DLGAP2: variants seen among roughly 807,000 people sequenced by gnomAD.
The protein encoded by DLGAP2 is DLG associated protein 2.
DLGAP2 carries 26 observed loss-of-function variants against 100.3 expected under a neutral mutation model. That is an observed-to-expected ratio of 0.26 (90% CI 0.19 to 0.36). DLGAP2 has a LOEUF of 0.36. Ranked by LOEUF, DLGAP2 falls within the 10% of genes least tolerant of loss-of-function variation. DLGAP2 has a pLI of 1.00. For synonymous variants in DLGAP2, 886 were observed against 630.1 expected, an observed-to-expected ratio of 1.41 and a Z score of -6.08; for missense variants, 1,858 against 1,453.2, an observed-to-expected ratio of 1.28 and a Z score of -4.53.
chr8:745,897 G>C (rs1460324439), intron 1 of DLGAP2, among the ~76,000 whole-genome samples: 1 of 152,230 alleles, frequency 6.6e-6, no homozygotes, highest in Non-Finnish European at 1.5e-5. Context: ...ACCGACTCCA[G>C]AAAGAGGAAC....
At chr8:1,031,140 A>T (rs1262562262) in intron 2 of DLGAP2, among the ~76,000 whole-genome samples, 1 of 151,958 alleles carries the variant, frequency 6.6e-6, no homozygotes, top group Non-Finnish European at 1.5e-5. Flanking sequence ...TCCACTTTCC[A>T]ATTTTGTTTT....
chr8:1,119,429 T>C (rs993720789), intron 2 of DLGAP2, among the ~76,000 whole-genome samples: 2 of 152,218 alleles, frequency 1.3e-5, no homozygotes, highest in Non-Finnish European at 2.9e-5. Context: ...TTTTATTCCA[T>C]GACACCAAGA....
chr8:961,839 T>G (rs942119550), intron 2 of DLGAP2, among the ~76,000 whole-genome samples: 2 of 152,170 alleles, frequency 1.3e-5, no homozygotes, highest in Non-Finnish European at 2.9e-5. Flanking sequence ...ATTGAAACTG[T>G]AAAAGTAACT....
chr8:1,424,278 C>A (rs534555985), intron 3 of DLGAP2, among the ~76,000 whole-genome samples: 2 of 152,338 alleles, frequency 1.3e-5, no homozygotes, highest in East Asian at 3.9e-4. Context: ...TAGTCTGCAT[C>A]TAACTCTTCA....
chr8:1,115,521 G>C (rs1444266508), intron 2 of DLGAP2, among the ~76,000 whole-genome samples: 1 of 152,234 alleles, frequency 6.6e-6, no homozygotes, highest in African/African-American at 2.4e-5. Flanking sequence ...AAGATTCTGA[G>C]TTTGTGTATG....
At position 886,450 on chromosome 8, in the gene DLGAP2, T is replaced by G. The variant is rs960946197; in HGVS notation, c.19-21462T>G. On this transcript the variant is annotated intron_variant, in intron 1 of 14. Transcript: ENST00000637795. ...TTTGCTCTTGCCTCTATAGCTCTTA[T>G]AATTGCACTGTTGGGGTGTCTATCT... Among the ~76,000 whole-genome samples the G allele has an allele frequency of 9.8e-5, 15 of 152,316 alleles. No homozygotes were observed. The East Asian group carries it at 2.9e-3, about 29-fold the overall frequency.
At chr8:1,280,022 A>C (rs1006344549) in intron 3 of DLGAP2, among the ~76,000 whole-genome samples, 10 of 152,212 alleles carry the variant, frequency 6.6e-5, no homozygotes, top group Non-Finnish European at 1.5e-4. Flanking sequence ...GACTTTGAGG[A>C]GCTTAGAATT....
In DLGAP2 at chr8:1,678,466, C is replaced by G. The variant is rs375922695; in HGVS notation, c.2541C>G (p.Pro847=). Residue 847 remains proline, a synonymous_variant, in exon 12 of 15, where the codon CCC becomes CCG. Coordinates refer to ENST00000637795, the MANE Select transcript of DLGAP2 (RefSeq NM_001346810.2). ...CCTCCACCCTGCCCCCTCCAGACCC[C>G]TGGCTGGAGCCCGCCATCGACACGG... ...VDTSTLPPPD[P]WLEPAIDTVE... 3 of 1,613,322 alleles carry G rather than the reference C, an allele frequency of 1.9e-6. No homozygotes were observed. The highest frequency in any genetic ancestry group is 2.5e-6 in the Non-Finnish European group (3 of 1,179,678).
At chr8:1,129,254 T>G (rs960966560) in intron 2 of DLGAP2, among the ~76,000 whole-genome samples, 4 of 151,916 alleles carry the variant, frequency 2.6e-5, no homozygotes, top group African/African-American at 9.7e-5. Flanking sequence ...ATATAAAAAA[T>G]TAGCCAGGCA....
At chr8:959,447 A>G (rs766167389) in intron 2 of DLGAP2, among the ~76,000 whole-genome samples, 13 of 152,220 alleles carry the variant, frequency 8.5e-5, no homozygotes, top group Non-Finnish European at 1.8e-4. Flanking sequence ...AGCTCTGAGA[A>G]TGCCCTGGCT....
chr8:1,567,289 T>G (rs1802441511), intron 6 of DLGAP2, among the ~76,000 whole-genome samples: 1 of 152,182 alleles, frequency 6.6e-6, no homozygotes, highest in Middle Eastern at 3.2e-3. Context: ...GAATTATGAA[T>G]TATCTGAAAC....
chr8:762,627 A>T (rs1294716412), intron 1 of DLGAP2, among the ~76,000 whole-genome samples: 1 of 151,810 alleles, frequency 6.6e-6, no homozygotes, highest in African/African-American at 2.4e-5. Context: ...AGTGAGTATG[A>T]CTCTTGAGGT....
At chr8:1,053,155 G>T (rs1320189953) in intron 2 of DLGAP2, among the ~76,000 whole-genome samples, 4 of 152,168 alleles carry the variant, frequency 2.6e-5, no homozygotes, top group African/African-American at 7.2e-5. Context: ...GTAATTTTGG[G>T]TTATTTAAAA....
chr8:897,775 C>T lies in DLGAP2; in HGVS notation c.19-10137C>T, dbSNP rs538256661. Reference sequence around the variant, plus strand: ...GCACCGCAGATGCTCTTCTGTTCAACGGCTTTTCCTTATGACACTGATGAG... The same window carrying T: ...GCACCGCAGATGCTCTTCTGTTCAATGGCTTTTCCTTATGACACTGATGAG... On this transcript the variant is annotated intron_variant, in intron 1 of 14. Transcript: ENST00000637795. Among the ~76,000 whole-genome samples the T allele has an allele frequency of 7.9e-5, 12 of 152,282 alleles. No homozygotes were observed. In the South Asian group the frequency reaches 1.2e-3, roughly 16 times the overall value.
chr8:1,581,946 G>T (rs888721125), intron 6 of DLGAP2, among the ~76,000 whole-genome samples: 2 of 144,428 alleles, frequency 1.4e-5, no homozygotes, highest in African/African-American at 2.6e-5. Context: ...CAAACTACCA[G>T]AAGTGAAGGA....
At chr8:1,467,971 C>A (rs1374281180) in intron 3 of DLGAP2, among the ~76,000 whole-genome samples, 1 of 152,220 alleles carries the variant, frequency 6.6e-6, no homozygotes, top group Admixed American at 6.5e-5. Flanking sequence ...AAGTGTTACC[C>A]AGCTGGAACC....
At chr8:1,510,552 T>G (rs1248107637) in intron 4 of DLGAP2, among the ~76,000 whole-genome samples, 1 of 152,238 alleles carries the variant, frequency 6.6e-6, no homozygotes, top group Non-Finnish European at 1.5e-5. Flanking sequence ...GCCTCCCACC[T>G]GTCACTCTGC....
intron 3 of DLGAP2, among the ~76,000 whole-genome samples, chr8:1,286,167 A>C (rs1032553610): frequency 6.6e-6 from 1 of 152,090 alleles, no homozygotes; most frequent in African/African-American, 2.4e-5. Context: ...TTCTCACAAG[A>C]TGTGATGGTT....
chr8:1,366,983 A>G (rs1313387248), intron 3 of DLGAP2, among the ~76,000 whole-genome samples: 1 of 151,892 alleles, frequency 6.6e-6, no homozygotes, highest in Admixed American at 6.6e-5. Flanking sequence ...ACGTGACCAC[A>G]GACCCCGGTA....
Sources: gnomAD v4.1 joint callset for allele counts (sites outside exome capture counted in the v4.1 genomes callset) on GRCh38, gnomAD v4.1.1 for gene constraint, MANE v1.5 for transcripts, NCBI Gene and HGNC (gene_info 2026-07-23, HGNC 2026-07-21) for gene names.